KSR2: variants seen among roughly 807,000 people sequenced by gnomAD.
KSR2 encodes kinase suppressor of ras 2.
A neutral mutation model predicts 107.8 loss-of-function variants in KSR2; 25 were observed. The observed-to-expected ratio is 0.23, with a 90% CI of 0.17 to 0.32. KSR2 has a LOEUF of 0.32. KSR2 is among the 10% of genes least tolerant of loss of function. The pLI, the probability that KSR2 is intolerant of heterozygous loss-of-function variation, is 1.00. For missense variants in KSR2, 887 were observed against 1,268.9 expected, an observed-to-expected ratio of 0.70 and a Z score of 4.57; for synonymous variants, 480 against 507.0, an observed-to-expected ratio of 0.95 and a Z score of 0.71.
intron 7 of KSR2, among the ~76,000 whole-genome samples, chr12:117,574,293 T>C (rs1879114604): frequency 6.6e-6 from 1 of 151,990 alleles, no homozygotes; most frequent in Admixed American, 6.5e-5. Flanking sequence ...AGGAAAGAAA[T>C]TTGGAGATCA....
chr12:117,937,942 C>T (rs1895895325), intron 1 of KSR2, among the ~76,000 whole-genome samples: 1 of 144,714 alleles, frequency 6.9e-6, no homozygotes, highest in Non-Finnish European at 1.5e-5. Context: ...GCACTCCAGC[C>T]TGAGCAACAA....
At chr12:117,873,653 G>A (rs1893736315) in intron 1 of KSR2, among the ~76,000 whole-genome samples, 1 of 151,998 alleles carries the variant, frequency 6.6e-6, no homozygotes, top group South Asian at 2.1e-4. Flanking sequence ...TAGAGATGGG[G>A]TTTCACCATG....
chr12:117,615,379 A>C (rs1235420227), intron 5 of KSR2, among the ~76,000 whole-genome samples: 1 of 42,044 alleles, frequency 2.4e-5, no homozygotes, highest in African/African-American at 1.2e-4. Context: ...TCTGCCAACC[A>C]ATGTTAAATG....
chr12:117,695,806 T>C (rs993585948), intron 4 of KSR2, among the ~76,000 whole-genome samples: 5 of 150,576 alleles, frequency 3.3e-5, no homozygotes, highest in Middle Eastern at 3.2e-3. Flanking sequence ...AGACCTGAAA[T>C]GGGGAAAAAG....
At chr12:117,740,437 A>C (rs1565989925) in intron 4 of KSR2, among the ~76,000 whole-genome samples, 1 of 108,842 alleles carries the variant, frequency 9.2e-6, no homozygotes, top group Non-Finnish European at 2.0e-5. Context: ...TATATATTAC[A>C]TTAATATATG....
At position 117,723,916 on chromosome 12, in the gene KSR2, T is replaced by C. The variant is rs1445167086; in HGVS notation, c.986+37095A>G. Among the ~76,000 whole-genome samples, 4 of 152,338 alleles carry C rather than the reference T, an allele frequency of 2.6e-5. No individual in the cohort carries two copies. The East Asian group carries it at 7.7e-4, about 29-fold the overall frequency. On this transcript the variant is annotated intron_variant, in intron 4 of 19. Coordinates refer to ENST00000339824, the MANE Select transcript of KSR2 (RefSeq NM_173598.6). ...ATATCAAGAAAATCTCACATTTTGA[T>C]AAGTATTTTAAACTCAAGCTGTCTT...
chr12:117,642,258 T>C (rs1883408342), intron 5 of KSR2, among the ~76,000 whole-genome samples: 1 of 152,232 alleles, frequency 6.6e-6, no homozygotes, highest in African/African-American at 2.4e-5. Flanking sequence ...TCTATGAGAA[T>C]GGAGATCTTG....
At chr12:117,661,908 T>C (rs532559289) in intron 5 of KSR2, among the ~76,000 whole-genome samples, 41 of 152,334 alleles carry the variant, frequency 2.7e-4, no homozygotes, top group Non-Finnish European at 5.9e-4. Context: ...ATCAGTGCTT[T>C]TCTTTAGGAA....
chr12:117,953,651 G>A (rs146830574), intron 1 of KSR2, among the ~76,000 whole-genome samples: 336 of 152,340 alleles, frequency 2.2e-3, no homozygotes, highest in African/African-American at 7.9e-3. Flanking sequence ...TGCTGGGCCA[G>A]GGGATGGGAG....
At chr12:117,742,244 G>A (rs2136787445) in intron 4 of KSR2, among the ~76,000 whole-genome samples, 1 of 152,376 alleles carries the variant, frequency 6.6e-6, no homozygotes, top group East Asian at 1.9e-4. Context: ...ATAACTGAAT[G>A]CATTGCATGA....
Position 117,564,475 on chromosome 12 carries a change from A to C in KSR2, c.1326-5902T>G, listed in dbSNP as rs926301508. Among the ~76,000 whole-genome samples, 16 of 122,412 alleles carry C rather than the reference A, an allele frequency of 1.3e-4. 1 individual carries two copies. The highest frequency in any genetic ancestry group is 9.9e-3 in the Middle Eastern group (2 of 202). The allele number at this position is 122,412 out of a possible 152,430, so 80.3% of individuals were successfully genotyped here. ...CTGAGCACACACAGAAAAAGCCTGC[A>C]AACTTGGAAAGGATTTATTTAAAAC... On this transcript the variant is annotated intron_variant, in intron 7 of 19. Coordinates refer to ENST00000339824, the MANE Select transcript of KSR2 (RefSeq NM_173598.6).
intron 5 of KSR2, among the ~76,000 whole-genome samples, chr12:117,655,447 C>T (rs116127481): frequency 2.6e-5 from 4 of 152,096 alleles, no homozygotes; most frequent in Non-Finnish European, 4.4e-5. Flanking sequence ...AGGACTGGGG[C>T]AAAGTTCTCT....
At chr12:117,474,511 C>G (rs1428959776) in intron 17 of KSR2, among the ~76,000 whole-genome samples, 1 of 144,734 alleles carries the variant, frequency 6.9e-6, no homozygotes. Flanking sequence ...TCTAATTGCA[C>G]TCATCTGCAG....
Position 117,457,957 on chromosome 12 carries a change from C to T in KSR2, c.*9242G>A, listed in dbSNP as rs905878674. On this transcript the variant is annotated 3_prime_UTR_variant, in exon 20 of 20. Coordinates refer to ENST00000339824, the MANE Select transcript of KSR2 (RefSeq NM_173598.6). ...GTATACCCTCTCCCATGTTTCTGGTCCCCCGTGAGTTTTCTTTCCATAGAT... is the reference window on the plus strand; with the variant it reads ...GTATACCCTCTCCCATGTTTCTGGTTCCCCGTGAGTTTTCTTTCCATAGAT... 2.5e-4 allele frequency: 38 copies of T among 152,132 alleles called. No individual in the cohort carries two copies. The highest frequency in any genetic ancestry group is 8.7e-4 in the African/African-American group (36 of 41,474). 9.4% of individuals were successfully genotyped at this position (152,132 alleles called of 1,614,324 possible). A position where few individuals can be genotyped will look rare whatever the true frequency, so the allele number is the denominator to read the frequency against.
chr12:117,553,632 C>T (rs1053722133), intron 9 of KSR2, among the ~76,000 whole-genome samples: 1 of 152,116 alleles, frequency 6.6e-6, no homozygotes, highest in African/African-American at 2.4e-5. Flanking sequence ...ATATTTGTCT[C>T]CTCCAAATCT....
Position 117,801,973 on chromosome 12 carries a change from G to A in KSR2, c.473-40449C>T, listed in dbSNP as rs1355072738. On this transcript the variant is annotated intron_variant, in intron 3 of 19. Coordinates refer to ENST00000339824, the MANE Select transcript of KSR2 (RefSeq NM_173598.6). ...TGACTGAAAAGGCAATGGAAGGGGC[G>A]TGGGATACATTTGCAAAAAGGCATG... is the stretch of plus-strand genomic sequence containing the variant. Among the ~76,000 whole-genome samples the A allele has an allele frequency of 3.3e-5, 5 of 152,106 alleles. No individual in the cohort carries two copies. In the East Asian group the frequency reaches 5.8e-4, roughly 18 times the overall value.
chr12:117,846,292 A>AT (rs35755364), intron 3 of KSR2, among the ~76,000 whole-genome samples: 11,697 of 127,494 alleles, frequency 0.092, 599 homozygotes, highest in South Asian at 0.16. Context: ...TTACCATTTG[A>AT]TTTTTTTTTT....
chr12:117,614,081 T>A (rs921060068), intron 5 of KSR2, among the ~76,000 whole-genome samples: 1 of 152,170 alleles, frequency 6.6e-6, no homozygotes, highest in Non-Finnish European at 1.5e-5. Flanking sequence ...AAATATTACA[T>A]GTTGTTAATG....
intron 16 of KSR2, among the ~76,000 whole-genome samples, chr12:117,477,592 C>T (rs1871867585): frequency 6.6e-6 from 1 of 152,180 alleles, no homozygotes; most frequent in South Asian, 2.1e-4. Context: ...GATCTTACTG[C>T]AGGTAAACTG....
Sources: allele counts gnomAD v4.1 joint callset (sites outside exome capture counted in the v4.1 genomes callset), GRCh38; gene constraint gnomAD v4.1.1; transcripts MANE v1.5; gene names NCBI Gene and HGNC (gene_info 2026-07-23, HGNC 2026-07-21).